MAP1B: variants seen among roughly 807,000 people sequenced by gnomAD.
MAP1B encodes the protein microtubule-associated protein 1B.
Under a neutral mutation model 176.1 loss-of-function variants are expected in MAP1B, and 12 were observed. The ratio of observed to expected loss-of-function variants is 0.07; its 90% CI spans 0.04 to 0.11. The LOEUF is 0.11. Among genes scored for constraint, MAP1B ranks in the 10% least tolerant of loss-of-function variants. MAP1B has a pLI of 1.00. For synonymous variants in MAP1B, 1,044 were observed against 1,135.0 expected (o/e 0.92, Z 1.61); for missense variants, 2,523 against 2,990.5 (o/e 0.84, Z 3.65).
chr5:72,198,257 C>T lies in MAP1B; in HGVS notation c.4902C>T (p.Pro1634=), dbSNP rs34984533. Residue 1634 remains proline, a synonymous_variant, in exon 5 of 7, where the codon CCC becomes CCT. Transcript: ENST00000296755. ...CTAAAACTGCAAAGTCCAGGACACC[C>T]GTTCAAGATCACAGATCTGAACAGT... ...FSPKTAKSRT[P]VQDHRSEQSS... is the part of the protein sequence containing the mutation. 7,671 of 1,614,134 alleles carry T rather than the reference C, an allele frequency of 4.8e-3. 22 individuals carry two copies. The highest frequency in any genetic ancestry group is 5.7e-3 in the Non-Finnish European group (6,693 of 1,179,994).
chr5:72,125,822 G>A (rs1313447090), intron 2 of MAP1B, among the ~76,000 whole-genome samples: 1 of 151,946 alleles, frequency 6.6e-6, no homozygotes, highest in Non-Finnish European at 1.5e-5. Context: ...TCCTAGTTTG[G>A]AGCTACATTT....
intron 2 of MAP1B, among the ~76,000 whole-genome samples, chr5:72,134,863 G>A (rs1390486195): frequency 2.0e-5 from 3 of 149,494 alleles, no homozygotes; most frequent in African/African-American, 7.4e-5. Flanking sequence ...TCAGACCTCT[G>A]AAATATTTTG....
intron 5 of MAP1B, 24 bp downstream of exon 5, chr5:72,200,391 G>A: frequency 6.2e-7 from 1 of 1,604,698 alleles, no homozygotes; most frequent in Non-Finnish European, 8.5e-7. Flanking sequence ...GCTGGGCATT[G>A]GATATATGTC....
intron 2 of MAP1B, among the ~76,000 whole-genome samples, chr5:72,126,147 A>G (rs1011075363): frequency 8.5e-5 from 13 of 152,188 alleles, no homozygotes; most frequent in African/African-American, 2.7e-4. Context: ...GGGGACACCA[A>G]TTGCAAGCTG....
At chr5:72,179,982 G>A (rs1746732118) in intron 2 of MAP1B, 2 of 969,754 alleles carry the variant, frequency 2.1e-6, no homozygotes, top group Admixed American at 6.2e-5. Context: ...ACTGCCGGTG[G>A]ATGGTAAGAA....
At chr5:72,161,678 T>C (rs1746325597) in intron 2 of MAP1B, among the ~76,000 whole-genome samples, 1 of 152,064 alleles carries the variant, frequency 6.6e-6, no homozygotes. Flanking sequence ...CAGAGCTGGC[T>C]CAGCGCAGTG....
Position 72,156,052 on chromosome 5 carries a change from C to G in MAP1B, c.287-27691C>G, listed in dbSNP as rs550925544. On this transcript the variant is annotated intron_variant, in intron 2 of 6. Coordinates refer to ENST00000296755, the MANE Select transcript of MAP1B (RefSeq NM_005909.5). ...AAAGTGATGGGATTACAGGTGTGAG[C>G]CACTGCGCCCAGCTTGATTTTCATT... Among the ~76,000 whole-genome samples, 5 of 152,288 alleles carry G rather than the reference C, an allele frequency of 3.3e-5. No individual in the cohort carries two copies. The South Asian group carries it at 1.0e-3, about 32-fold the overall frequency.
At position 72,195,457 on chromosome 5, in the gene MAP1B, A is replaced by G; in HGVS notation, c.2102A>G (p.Lys701Arg). ...EEKKEPKKEV[K>R]KETPPKEVKK... is the part of the protein sequence containing the mutation. ...AAAAAAGAACCCAAGAAAGAGGTTA[A>G]GAAAGAAACACCGCCAAAGGAAGTC... is the stretch of plus-strand genomic sequence containing the variant. Residue 701 changes from lysine (K) to arginine (R), a missense_variant, in exon 5 of 7, where the codon AAG becomes AGG. Around this residue, in one of 4 missense-constraint regions of MAP1B, gnomAD observed 1,925 missense variants for 2,126.0 expected, o/e 0.91. Coordinates refer to ENST00000296755, the MANE Select transcript of MAP1B (RefSeq NM_005909.5). 1.3e-6 allele frequency: 2 copies of G among 1,585,024 alleles called. No homozygotes were observed. The highest frequency in any genetic ancestry group is 1.7e-6 in the Non-Finnish European group (2 of 1,168,850).
intron 2 of MAP1B, chr5:72,180,008 C>A: frequency 1.2e-6 from 1 of 835,320 alleles, no homozygotes; most frequent in Non-Finnish European, 1.4e-6. Flanking sequence ...CTGCCAGGGG[C>A]CACCTCGGCA....
intron 2 of MAP1B, among the ~76,000 whole-genome samples, chr5:72,134,494 T>A (rs1745794281): frequency 6.8e-6 from 1 of 147,584 alleles, no homozygotes; most frequent in Non-Finnish European, 1.5e-5. Context: ...AGAGAAGTCC[T>A]ATTGACATTT....
At position 72,196,856 on chromosome 5, in the gene MAP1B, T is replaced by C. The variant is rs1747183961; in HGVS notation, c.3501T>C (p.Ser1167=). 7.4e-6 allele frequency: 12 copies of C among 1,614,078 alleles called. No individual in the cohort carries two copies. The highest frequency in any genetic ancestry group is 1.1e-5 in the South Asian group (1 of 91,080). The part of the protein sequence containing the change: ...QEFVNITKYE[S]SLYSQEYSKP... ...TCGTAAATATCACCAAATATGAATC[T>C]TCATTGTATTCTCAGGAATACTCTA... The change falls in exon 5 of 7, where the codon TCT becomes TCC. Residue 1167 remains serine (S), a synonymous_variant. Coordinates refer to ENST00000296755, the MANE Select transcript of MAP1B (RefSeq NM_005909.5). This position sits in a 1 kb window ranked among gnomAD's most constrained non-coding sequence, Gnocchi z 5.3.
chr5:72,142,368 C>T (rs1745962648), intron 2 of MAP1B, among the ~76,000 whole-genome samples: 1 of 152,082 alleles, frequency 6.6e-6, no homozygotes, highest in Non-Finnish European at 1.5e-5. Flanking sequence ...CACCTCATTT[C>T]ATCAGGCAAG....
chr5:72,161,986 A>G (rs4043358), intron 2 of MAP1B, among the ~76,000 whole-genome samples: 88,763 of 145,878 alleles, frequency 0.61, 29,633 homozygotes, highest in South Asian at 0.85. Context: ...AGAAAGAAAG[A>G]AAGAAAGAAA....
chr5:72,198,123 C>A lies in MAP1B; in HGVS notation c.4768C>A (p.Leu1590Ile), dbSNP rs769825627. 5.6e-6 allele frequency: 9 copies of A among 1,614,056 alleles called. No homozygotes were observed. Among genetic ancestry groups the A allele is most frequent in the Non-Finnish European group, 7.6e-6 (9 of 1,180,022 alleles). ...SPHSTEVDDS[L>I]SVSVVQTPTT... is the part of the protein sequence containing the mutation. Reference sequence around the variant, plus strand: ...ACATTCCACAGAAGTAGATGACTCCCTTTCAGTGTCTGTTGTGCAAACACC... The same window carrying A: ...ACATTCCACAGAAGTAGATGACTCCATTTCAGTGTCTGTTGTGCAAACACC... Residue 1590 changes from leucine (L) to isoleucine (I), a missense_variant, in exon 5 of 7, where the codon CTT becomes ATT. Leu to Ile is a conservative substitution (Grantham distance 5, BLOSUM62 2). Around this residue, in one of 4 missense-constraint regions of MAP1B, gnomAD observed 1,925 missense variants for 2,126.0 expected, o/e 0.91. Transcript: ENST00000296755.
intron 1 of MAP1B, among the ~76,000 whole-genome samples, chr5:72,110,918 G>A (rs1379101754): frequency 2.0e-5 from 3 of 152,188 alleles, no homozygotes; most frequent in Non-Finnish European, 4.4e-5. Context: ...AACCAGGGAA[G>A]AGAGATGGTC....
intron 1 of MAP1B, among the ~76,000 whole-genome samples, chr5:72,113,791 AT>A (rs1286034383): frequency 6.6e-6 from 1 of 152,186 alleles, no homozygotes; most frequent in African/African-American, 2.4e-5. Context: ...CAGGAACTCG[AT>A]TTTTTTGCAC....
chr5:72,127,989 TA>T (rs1745659440), intron 2 of MAP1B, among the ~76,000 whole-genome samples: 2 of 152,230 alleles, frequency 1.3e-5, no homozygotes, highest in South Asian at 4.1e-4. Context: ...AATAGAATAA[TA>T]TCTTCAAAGA....
rs779437852 is a variant in MAP1B, at chr5:72,196,219, A to G, written c.2864A>G (p.Glu955Gly). 3 of 1,613,660 alleles carry G rather than the reference A, an allele frequency of 1.9e-6. No individual in the cohort carries two copies. The highest frequency in any genetic ancestry group is 2.5e-6 in the Non-Finnish European group (3 of 1,180,028). The change falls in exon 5 of 7, where the codon GAA becomes GGA. Residue 955 changes from glutamate (E) to glycine (G), a missense_variant. By Grantham distance (98) the Glu-to-Gly change is moderately conservative (BLOSUM62 -2). Coordinates refer to ENST00000296755, the MANE Select transcript of MAP1B (RefSeq NM_005909.5). The surrounding 1 kb of genome is among the most constrained non-coding windows in gnomAD (Gnocchi z 5.3). Reference protein sequence around the residue: ...KAETEEAEEPEEDGEEHVCVS... With the variant: ...KAETEEAEEPGEDGEEHVCVS... ...GAAACTGAGGAGGCTGAGGAGCCAG[A>G]AGAGGATGGGGAGGAACACGTATGT... is the stretch of plus-strand genomic sequence containing the variant.
chr5:72,180,325 A>T (rs1746739929), intron 2 of MAP1B, among the ~76,000 whole-genome samples: 2 of 152,160 alleles, frequency 1.3e-5, no homozygotes, highest in Admixed American at 6.5e-5. Flanking sequence ...GACCAAAGAA[A>T]TGACTATTCC....
Sources: gnomAD v4.1 joint callset for allele counts (sites outside exome capture counted in the v4.1 genomes callset) on GRCh38, gnomAD v4.1.1 for gene constraint, gnomAD v4.1.1 regional missense constraint, Gnocchi (gnomAD v3.1) non-coding constraint, MANE v1.5 for transcripts, NCBI Gene and HGNC (gene_info 2026-07-23, HGNC 2026-07-21) for gene names.